SCHIP1: variants seen among roughly 807,000 people sequenced by gnomAD.
The protein encoded by SCHIP1 is schwannomin-interacting protein 1.
In SCHIP1, 8 loss-of-function variants were observed where a neutral mutation model predicts 29.7. The observed-to-expected ratio is 0.27, with a 90% CI of 0.16 to 0.49. SCHIP1 has a LOEUF of 0.49. Among genes scored for constraint, SCHIP1 ranks in the 20% least tolerant of loss-of-function variants. The probability of loss-of-function intolerance (pLI) is 0.99; values close to 1 mark genes in which losing one functional copy is unlikely to be tolerated. For missense variants in SCHIP1, 193 were observed against 294.6 expected (o/e 0.66, Z 2.52); for synonymous variants, 76 against 94.9 (o/e 0.80, Z 1.16).
the SCHIP1 span, among the ~76,000 whole-genome samples, chr3:159,639,654 T>C: frequency 6.6e-6 from 1 of 152,200 alleles, no homozygotes; most frequent in African/African-American, 2.4e-5. Flanking sequence ...AAACAATTTA[T>C]ACATTAAAGG....
At chr3:159,499,427 T>C in the SCHIP1 span, among the ~76,000 whole-genome samples, 1 of 152,248 alleles carries the variant, frequency 6.6e-6, no homozygotes, top group Non-Finnish European at 1.5e-5. Flanking sequence ...AGCCCCATCA[T>C]ACTGTGATCC....
At chr3:159,363,988 T>A in the SCHIP1 span, among the ~76,000 whole-genome samples, 1 of 152,214 alleles carries the variant, frequency 6.6e-6, no homozygotes, top group Non-Finnish European at 1.5e-5. Context: ...ACAAAGCAAT[T>A]CTAAAATAGC....
At chr3:159,520,831 A>G in the SCHIP1 span, among the ~76,000 whole-genome samples, 1 of 152,240 alleles carries the variant, frequency 6.6e-6, no homozygotes, top group Non-Finnish European at 1.5e-5. Flanking sequence ...AAATTATTAC[A>G]TCATACAGAA....
At chr3:159,507,106 A>G in the SCHIP1 span, among the ~76,000 whole-genome samples, 20 of 152,306 alleles carry the variant, frequency 1.3e-4, no homozygotes, top group East Asian at 3.9e-3. Flanking sequence ...TGAGCATGGA[A>G]TGTTCTTCCA....
the SCHIP1 span, among the ~76,000 whole-genome samples, chr3:159,330,642 C>A: frequency 8.8e-3 from 1,338 of 152,178 alleles, 18 homozygotes; most frequent in African/African-American, 0.031. Flanking sequence ...CCTGACAGGT[C>A]ATAAAATGTT....
the SCHIP1 span, among the ~76,000 whole-genome samples, chr3:159,519,935 C>T: frequency 1.3e-5 from 2 of 151,510 alleles, no homozygotes; most frequent in South Asian, 2.1e-4. Context: ...TCCAGGGCCA[C>T]CACGTATAGT....
the SCHIP1 span, among the ~76,000 whole-genome samples, chr3:159,533,634 A>AC: frequency 1.3e-5 from 2 of 151,886 alleles, no homozygotes; most frequent in African/African-American, 4.8e-5. Context: ...CTGCCCCCCC[A>AC]CATCTCTGTT....
the SCHIP1 span, among the ~76,000 whole-genome samples, chr3:159,646,336 T>G: frequency 6.6e-6 from 1 of 152,158 alleles, no homozygotes; most frequent in Admixed American, 6.6e-5. Flanking sequence ...GAGCCTCTAG[T>G]GAGCAGCTTA....
At chr3:159,310,490 G>A in the SCHIP1 span, among the ~76,000 whole-genome samples, 1 of 152,092 alleles carries the variant, frequency 6.6e-6, no homozygotes, top group African/African-American at 2.4e-5. Context: ...GAGGAAGGCT[G>A]GCAAAAATCA....
chr3:159,770,358 C>G, the SCHIP1 span, among the ~76,000 whole-genome samples: 2 of 152,172 alleles, frequency 1.3e-5, no homozygotes, highest in Non-Finnish European at 1.5e-5. Context: ...CTGCTCAGTT[C>G]AAGTGATTCT....
the SCHIP1 span, among the ~76,000 whole-genome samples, chr3:159,800,706 C>T: frequency 2.7e-5 from 4 of 150,172 alleles, 1 homozygote; most frequent in Middle Eastern, 0.011. Flanking sequence ...CCATGACCTG[C>T]AGTTTCCCTA....
At chr3:159,588,142 C>CT in the SCHIP1 span, among the ~76,000 whole-genome samples, 1 of 152,174 alleles carries the variant, frequency 6.6e-6, no homozygotes, top group African/African-American at 2.4e-5. Flanking sequence ...TGTTTCCTTA[C>CT]TTTTTAATGA....
the SCHIP1 span, among the ~76,000 whole-genome samples, chr3:159,750,263 GTATATA>G: frequency 7.7e-3 from 192 of 25,068 alleles, 1 homozygote; most frequent in South Asian, 0.015. Flanking sequence ...ATGTGTGTGT[GTATATA>G]TATATATATA....
chr3:159,863,560 AAAT>A (rs1714283811), intron 1 of SCHIP1, among the ~76,000 whole-genome samples: 1 of 152,210 alleles, frequency 6.6e-6, no homozygotes, highest in South Asian at 2.1e-4. Flanking sequence ...AAAATCTAAT[AAAT>A]AATATGATCT....
At chr3:159,288,418 G>A in the SCHIP1 span, among the ~76,000 whole-genome samples, 1 of 152,172 alleles carries the variant, frequency 6.6e-6, no homozygotes, top group Non-Finnish European at 1.5e-5. Context: ...ACAGATGACT[G>A]ATAACCTTTT....
chr3:159,505,821 A>G, the SCHIP1 span, among the ~76,000 whole-genome samples: 4 of 152,206 alleles, frequency 2.6e-5, no homozygotes, highest in African/African-American at 9.7e-5. Flanking sequence ...TTATGGCTGC[A>G]TAGTAGTCCA....
chr3:159,531,814 A>AT, the SCHIP1 span, among the ~76,000 whole-genome samples: 3 of 152,136 alleles, frequency 2.0e-5, no homozygotes, highest in African/African-American at 7.2e-5. Context: ...TGTTTGCCCC[A>AT]TTTTTTAAGC....
At chr3:159,691,450 T>A in the SCHIP1 span, among the ~76,000 whole-genome samples, 4 of 148,906 alleles carry the variant, frequency 2.7e-5, no homozygotes, top group Non-Finnish European at 5.9e-5. Context: ...TCCATTTGCT[T>A]GGTAAATATT....
chr3:159,416,548 T>C, the SCHIP1 span, among the ~76,000 whole-genome samples: 1 of 152,240 alleles, frequency 6.6e-6, no homozygotes, highest in Admixed American at 6.5e-5. Context: ...CATACTTTCT[T>C]GAATTGCTTT....
Sources: allele counts gnomAD v4.1 joint callset (sites outside exome capture counted in the v4.1 genomes callset), GRCh38; gene constraint gnomAD v4.1.1; transcripts MANE v1.5; gene names NCBI Gene and HGNC (gene_info 2026-07-23, HGNC 2026-07-21).